The following EXOC4 variants were observed in gnomAD, a reference collection of about 807,000 sequenced individuals.
EXOC4 encodes the protein exocyst complex component 4, also known as SEC8-like 1.
A neutral mutation model predicts 107.2 loss-of-function variants in EXOC4; 71 were observed. The observed-to-expected ratio is 0.66, with a 90% CI of 0.55 to 0.81. EXOC4 has a LOEUF of 0.81. EXOC4 is among the 30% of genes least tolerant of loss of function. The probability of loss-of-function intolerance (pLI) is 0.00; values close to 1 mark genes in which losing one functional copy is unlikely to be tolerated. For synonymous variants in EXOC4, 456 were observed against 441.2 expected, an observed-to-expected ratio of 1.03 and a Z score of -0.42; for missense variants, 1,108 against 1,189.6, an observed-to-expected ratio of 0.93 and a Z score of 1.01.
chr7:133,305,131 G>A (rs1794723062), intron 3 of EXOC4, among the ~76,000 whole-genome samples: 1 of 151,260 alleles, frequency 6.6e-6, no homozygotes, highest in Non-Finnish European at 1.5e-5. Context: ...GTTGCTCCAG[G>A]TTCCCTGAAT....
chr7:133,766,551 GA>G (rs1796142544), intron 10 of EXOC4, among the ~76,000 whole-genome samples: 1 of 151,876 alleles, frequency 6.6e-6, no homozygotes, highest in Non-Finnish European at 1.5e-5. Flanking sequence ...TGTAATTAGG[GA>G]TCTTAAAGTT....
chr7:133,375,140 A>T (rs1796461008), intron 7 of EXOC4, 138 bp downstream of exon 7: 1 of 706,684 alleles, frequency 1.4e-6, no homozygotes, highest in African/African-American at 1.8e-5. Context: ...TTGCATTTGA[A>T]TGTGATGTTG....
intron 9 of EXOC4, among the ~76,000 whole-genome samples, chr7:133,587,311 G>T (rs992307393): frequency 2.0e-4 from 31 of 152,186 alleles, no homozygotes; most frequent in African/African-American, 6.5e-4. Flanking sequence ...CCAGACACTT[G>T]CAAAATGAAA....
chr7:133,594,040 C>A (rs1801608359), intron 9 of EXOC4, among the ~76,000 whole-genome samples: 1 of 152,152 alleles, frequency 6.6e-6, no homozygotes, highest in Non-Finnish European at 1.5e-5. Context: ...AAGAGACTAT[C>A]CTCAAACTGA....
intron 12 of EXOC4, among the ~76,000 whole-genome samples, chr7:133,898,015 A>C: frequency 6.7e-6 from 1 of 148,876 alleles, no homozygotes; most frequent in Admixed American, 6.7e-5. Flanking sequence ...ACCCACCCCA[A>C]TCCCCCAGCC....
intron 8 of EXOC4, among the ~76,000 whole-genome samples, chr7:133,477,365 A>G (rs1009324975): frequency 6.6e-6 from 1 of 152,172 alleles, no homozygotes; most frequent in African/African-American, 2.4e-5. Flanking sequence ...GACTATCTCC[A>G]TAAGTTTTGC....
chr7:133,687,138 G>C (rs1289665316), intron 10 of EXOC4, among the ~76,000 whole-genome samples: 2 of 151,938 alleles, frequency 1.3e-5, no homozygotes, highest in Non-Finnish European at 1.5e-5. Flanking sequence ...TATTGTAAGT[G>C]AAGTAACTCA....
rs1182889339 is a variant in EXOC4, at chr7:133,817,434, G to A, written c.1624G>A (p.Ala542Thr). The A allele has an allele frequency of 6.2e-7, 1 of 1,613,884 alleles. No individual in the cohort carries two copies. The highest frequency in any genetic ancestry group is 8.5e-7 in the Non-Finnish European group (1 of 1,179,830). Residue 542 changes from alanine to threonine, a missense_variant, in exon 11 of 18, where the codon GCT becomes ACT. By Grantham distance (58) the Ala-to-Thr change is moderately conservative. Coordinates refer to ENST00000253861, the MANE Select transcript of EXOC4 (RefSeq NM_021807.4). Reference protein sequence around the residue: ...IKNIFLNQVLAEINKEIEGVT... With the variant: ...IKNIFLNQVLTEINKEIEGVT... Reference sequence around the variant, plus strand: ...AAACATCTTTCTCAATCAAGTCTTGGCTGAGATCAACAAGGAGATTGAAGG... The same window carrying A: ...AAACATCTTTCTCAATCAAGTCTTGACTGAGATCAACAAGGAGATTGAAGG...
intron 9 of EXOC4, among the ~76,000 whole-genome samples, chr7:133,567,962 G>A (rs560032727): frequency 1.3e-5 from 2 of 152,252 alleles, no homozygotes; most frequent in African/African-American, 4.8e-5. Context: ...TCAAGCCATA[G>A]CATTGCCATA....
At chr7:133,535,116 A>T (rs567326586) in intron 9 of EXOC4, among the ~76,000 whole-genome samples, 40 of 152,180 alleles carry the variant, frequency 2.6e-4, no homozygotes, top group Non-Finnish European at 4.4e-4. Flanking sequence ...TGAGTGTCAA[A>T]TGCTTATCTG....
At chr7:133,353,948 G>T (rs1342880539) in intron 5 of EXOC4, among the ~76,000 whole-genome samples, 1 of 151,572 alleles carries the variant, frequency 6.6e-6, no homozygotes, top group East Asian at 1.9e-4. Flanking sequence ...TTCAGCTCAA[G>T]AATTTCTTAT....
chr7:133,786,574 A>C (rs903942831), intron 10 of EXOC4, among the ~76,000 whole-genome samples: 4 of 152,250 alleles, frequency 2.6e-5, no homozygotes, highest in Admixed American at 6.5e-5. Flanking sequence ...ATGTGAGGAA[A>C]GCTCTCAAAG....
At chr7:133,612,636 C>T (rs1323290295) in intron 9 of EXOC4, among the ~76,000 whole-genome samples, 2 of 152,100 alleles carry the variant, frequency 1.3e-5, no homozygotes, top group Non-Finnish European at 2.9e-5. Flanking sequence ...TATGACAGTC[C>T]ACCTACAGGG....
intron 9 of EXOC4, among the ~76,000 whole-genome samples, chr7:133,579,924 T>A (rs1052469104): frequency 6.6e-6 from 1 of 152,152 alleles, no homozygotes. Flanking sequence ...CTTGATCTCT[T>A]GACCTTGTGA....
chr7:134,062,026 C>T (rs2116631826), intron 17 of EXOC4, among the ~76,000 whole-genome samples: 1 of 152,292 alleles, frequency 6.6e-6, no homozygotes, highest in South Asian at 2.1e-4. Context: ...CCAAGTATTT[C>T]TGTCTATATT....
intron 1 of EXOC4, among the ~76,000 whole-genome samples, chr7:133,262,953 C>G (rs553614373): frequency 5.9e-5 from 9 of 152,240 alleles, no homozygotes; most frequent in Admixed American, 5.9e-4. Flanking sequence ...GGGGGCAGGT[C>G]TTTCCTGTGC....
intron 10 of EXOC4, among the ~76,000 whole-genome samples, chr7:133,715,236 C>T (rs960265487): frequency 1.3e-5 from 2 of 152,168 alleles, no homozygotes; most frequent in Non-Finnish European, 2.9e-5. Flanking sequence ...TGGCCTCAAA[C>T]TCCTGGGCTA....
chr7:133,671,867 C>T (rs1793953569), intron 10 of EXOC4, among the ~76,000 whole-genome samples: 1 of 152,144 alleles, frequency 6.6e-6, no homozygotes, highest in African/African-American at 2.4e-5. Flanking sequence ...AAGAAGCTAG[C>T]TGGAGAGTAA....
intron 17 of EXOC4, among the ~76,000 whole-genome samples, chr7:134,032,992 CA>C (rs1373432820): frequency 1.3e-5 from 2 of 151,880 alleles, no homozygotes; most frequent in East Asian, 3.9e-4. Flanking sequence ...CACAGAGAAA[CA>C]AAAAGGAATA....
Sources: allele counts gnomAD v4.1 joint callset (sites outside exome capture counted in the v4.1 genomes callset), GRCh38; gene constraint gnomAD v4.1.1; transcripts MANE v1.5; gene names NCBI Gene and HGNC (gene_info 2026-07-23, HGNC 2026-07-21).